SLC24A2: variants seen among roughly 807,000 people sequenced by gnomAD.
SLC24A2 encodes solute carrier family 24 member 2.
Under a neutral mutation model 62.0 loss-of-function variants are expected in SLC24A2, and 36 were observed. That is an observed-to-expected ratio of 0.58 (90% CI 0.44 to 0.77). The LOEUF (loss-of-function observed/expected upper bound fraction) is 0.77. SLC24A2 is among the 30% of genes least tolerant of loss of function. SLC24A2 has a pLI of 0.00. For synonymous variants in SLC24A2, 358 were observed against 294.0 expected (o/e 1.22, Z -2.23); for missense variants, 846 against 817.9 (o/e 1.03, Z -0.42).
the SLC24A2 span, among the ~76,000 whole-genome samples, chr9:20,027,370 T>C: frequency 2.0e-5 from 3 of 152,328 alleles, no homozygotes; most frequent in East Asian, 1.9e-4. Flanking sequence ...TGCAGCATTA[T>C]TCACAATAGC....
chr9:20,220,617 G>C, the SLC24A2 span, among the ~76,000 whole-genome samples: 3 of 152,260 alleles, frequency 2.0e-5, no homozygotes, highest in South Asian at 6.2e-4. Flanking sequence ...AAGGCAGTTG[G>C]TTGGTTTGTT....
At chr9:19,750,924 G>A (rs1306211299) in intron 2 of SLC24A2, among the ~76,000 whole-genome samples, 6 of 152,138 alleles carry the variant, frequency 3.9e-5, no homozygotes, top group Non-Finnish European at 8.8e-5. Context: ...ACTCACTGAA[G>A]ACCCTGCTCT....
the SLC24A2 span, among the ~76,000 whole-genome samples, chr9:19,796,292 G>A: frequency 6.6e-6 from 1 of 151,952 alleles, no homozygotes; most frequent in Non-Finnish European, 1.5e-5. Flanking sequence ...CAGTTGAGCT[G>A]CATAGTATAC....
chr9:20,084,816 G>A, the SLC24A2 span, among the ~76,000 whole-genome samples: 55 of 152,202 alleles, frequency 3.6e-4, no homozygotes, highest in African/African-American at 1.3e-3. Context: ...GCCTGATTAT[G>A]CTCAGTTTTG....
the SLC24A2 span, among the ~76,000 whole-genome samples, chr9:20,055,477 T>C: frequency 2.0e-5 from 3 of 152,170 alleles, no homozygotes; most frequent in Admixed American, 1.3e-4. Flanking sequence ...GTAAATTTCA[T>C]AACAACTCTT....
the SLC24A2 span, among the ~76,000 whole-genome samples, chr9:20,120,676 A>C: frequency 6.6e-6 from 1 of 152,116 alleles, no homozygotes; most frequent in Non-Finnish European, 1.5e-5. Flanking sequence ...ACAAATCTGC[A>C]TATCTACCCT....
At chr9:19,905,622 A>T in the SLC24A2 span, among the ~76,000 whole-genome samples, 1 of 152,022 alleles carries the variant, frequency 6.6e-6, no homozygotes. Flanking sequence ...CATGTTGGTC[A>T]GGCTGCTCAC....
the SLC24A2 span, among the ~76,000 whole-genome samples, chr9:20,168,683 T>G: frequency 6.6e-6 from 1 of 151,918 alleles, no homozygotes; most frequent in Non-Finnish European, 1.5e-5. Context: ...ATGCCTAAAC[T>G]AAAGAAGAAA....
chr9:19,672,080 G>C (rs1295131728), intron 2 of SLC24A2, among the ~76,000 whole-genome samples: 1 of 146,198 alleles, frequency 6.8e-6, no homozygotes, highest in Admixed American at 6.7e-5. Context: ...GAATGATTTA[G>C]GAAGAATTCC....
chr9:19,762,776 T>A (rs1483365136), intron 2 of SLC24A2, among the ~76,000 whole-genome samples: 2 of 150,658 alleles, frequency 1.3e-5, no homozygotes, highest in East Asian at 3.9e-4. Context: ...TGCTTAGGAT[T>A]GTCTTGGCTA....
intron 2 of SLC24A2, among the ~76,000 whole-genome samples, chr9:19,783,825 A>G (rs1414615556): frequency 6.6e-6 from 1 of 152,216 alleles, no homozygotes; most frequent in Non-Finnish European, 1.5e-5. Flanking sequence ...TTTGTTTAGA[A>G]AAAAATCTCT....
intron 2 of SLC24A2, among the ~76,000 whole-genome samples, chr9:19,656,325 T>C (rs1459712164): frequency 6.6e-6 from 1 of 152,226 alleles, no homozygotes; most frequent in Non-Finnish European, 1.5e-5. Flanking sequence ...GTTAATTCTG[T>C]TACAGTTAGA....
intron 2 of SLC24A2, among the ~76,000 whole-genome samples, chr9:19,707,766 G>A (rs1386365520): frequency 6.6e-6 from 1 of 152,080 alleles, no homozygotes; most frequent in Non-Finnish European, 1.5e-5. Flanking sequence ...AAAATAATAA[G>A]AGCTATCTAT....
chr9:20,263,633 G>C, the SLC24A2 span, among the ~76,000 whole-genome samples: 1 of 152,178 alleles, frequency 6.6e-6, no homozygotes, highest in Admixed American at 6.5e-5. Flanking sequence ...TGCTTCATGT[G>C]AATAGCAGTC....
chr9:19,882,109 T>C, the SLC24A2 span, among the ~76,000 whole-genome samples: 1 of 152,148 alleles, frequency 6.6e-6, no homozygotes, highest in African/African-American at 2.4e-5. Flanking sequence ...TCTATTTCCT[T>C]GGGGTAGAGG....
At chr9:19,633,978 T>C (rs947883814) in intron 2 of SLC24A2, among the ~76,000 whole-genome samples, 2 of 152,236 alleles carry the variant, frequency 1.3e-5, no homozygotes, top group Admixed American at 1.3e-4. Flanking sequence ...TTTCCTTTTA[T>C]GGATCAGTTT....
At chr9:19,919,645 A>G in the SLC24A2 span, among the ~76,000 whole-genome samples, 65,859 of 152,058 alleles carry the variant, frequency 0.43, 14,558 homozygotes, top group Middle Eastern at 0.61. Context: ...GGTAATTTAT[A>G]AAGAAAAGAG....
At chr9:20,147,115 C>T in the SLC24A2 span, among the ~76,000 whole-genome samples, 51 of 152,266 alleles carry the variant, frequency 3.3e-4, no homozygotes, top group African/African-American at 1.2e-3. Flanking sequence ...GTTTACCTTG[C>T]TGTTAAAGAA....
At position 19,520,935 on chromosome 9, in the gene SLC24A2, C is replaced by G. The variant is rs966452729; in HGVS notation, c.1695G>C (p.Val565=). The change falls in exon 10 of 11, where the codon GTG becomes GTC. Residue 565 remains valine, a synonymous_variant. Transcript: ENST00000341998. Reference sequence around the variant, plus strand: ...AAATGTTGCTTCCAACAGAGCTGGACACAGCCATGTCCCCTAACCCCTTCC... The same window carrying G: ...AAATGTTGCTTCCAACAGAGCTGGAGACAGCCATGTCCCCTAACCCCTTCC... ...VARKGLGDMA[V]SSSVGSNIFD... The G allele has an allele frequency of 2.0e-5, 32 of 1,613,956 alleles. No individual in the cohort carries two copies. The highest frequency in any genetic ancestry group is 2.5e-5 in the Non-Finnish European group (30 of 1,180,004).
Sources: gnomAD v4.1 joint callset for allele counts (sites outside exome capture counted in the v4.1 genomes callset) on GRCh38, gnomAD v4.1.1 for gene constraint, MANE v1.5 for transcripts, NCBI Gene and HGNC (gene_info 2026-07-23, HGNC 2026-07-21) for gene names.